GALNT7: variants seen among roughly 807,000 people sequenced by gnomAD.
GALNT7 encodes polypeptide N-acetylgalactosaminyltransferase 7.
Under a neutral mutation model 82.1 loss-of-function variants are expected in GALNT7, and 60 were observed. The observed-to-expected ratio is 0.73, with a 90% CI of 0.59 to 0.91. The LOEUF is 0.91. Ranked by LOEUF, GALNT7 falls within the 40% of genes least tolerant of loss-of-function variation. The probability of loss-of-function intolerance (pLI) is 0.00; values close to 1 mark genes in which losing one functional copy is unlikely to be tolerated. For synonymous variants in GALNT7, 243 were observed against 275.1 expected (o/e 0.88, Z 1.15); for missense variants, 660 against 804.2 (o/e 0.82, Z 2.17).
At chr4:173,275,640 A>G (rs1019722746) in intron 2 of GALNT7, among the ~76,000 whole-genome samples, 1 of 152,152 alleles carries the variant, frequency 6.6e-6, no homozygotes, top group African/African-American at 2.4e-5. Context: ...GTAAGGTGGA[A>G]AGTTTCTGGT....
intron 1 of GALNT7, among the ~76,000 whole-genome samples, chr4:173,228,832 A>G (rs1733927269): frequency 6.6e-6 from 1 of 152,166 alleles, no homozygotes; most frequent in Non-Finnish European, 1.5e-5. Context: ...ACTGCCTTTT[A>G]ACTTCCAGGA....
At chr4:173,205,700 C>T (rs908897807) in intron 1 of GALNT7, among the ~76,000 whole-genome samples, 4 of 149,746 alleles carry the variant, frequency 2.7e-5, no homozygotes, top group African/African-American at 9.7e-5. Flanking sequence ...GGGCTGTGGT[C>T]TGAAGTCTGG....
intron 1 of GALNT7, among the ~76,000 whole-genome samples, chr4:173,230,214 A>G (rs1733985576): frequency 6.6e-6 from 1 of 152,196 alleles, no homozygotes; most frequent in Non-Finnish European, 1.5e-5. Flanking sequence ...AGCAAATTTC[A>G]GTTGCACCAC....
intron 1 of GALNT7, among the ~76,000 whole-genome samples, chr4:173,211,790 T>G (rs1376942443): frequency 6.6e-6 from 1 of 152,216 alleles, no homozygotes; most frequent in Non-Finnish European, 1.5e-5. Context: ...CCTCATAGAT[T>G]ATACTTTTCT....
At chr4:173,225,282 T>C (rs1199032004) in intron 1 of GALNT7, among the ~76,000 whole-genome samples, 1 of 152,128 alleles carries the variant, frequency 6.6e-6, no homozygotes, top group Non-Finnish European at 1.5e-5. Flanking sequence ...TTTGTTATAA[T>C]GTAATTACAG....
chr4:173,178,024 TG>T (rs1214564306), intron 1 of GALNT7, among the ~76,000 whole-genome samples: 1 of 114,190 alleles, frequency 8.8e-6, no homozygotes, highest in Non-Finnish European at 1.8e-5. Flanking sequence ...TGTGTGTGTG[TG>T]TGTGTGTGTG....
At chr4:173,318,785 C>A in intron 11 of GALNT7, 1 of 359,118 alleles carries the variant, frequency 2.8e-6, no homozygotes, top group African/African-American at 2.2e-5. Flanking sequence ...AATGAGGCCA[C>A]GATGATGTCT....
intron 1 of GALNT7, among the ~76,000 whole-genome samples, chr4:173,184,759 T>A (rs1409574094): frequency 1.3e-5 from 2 of 152,060 alleles, no homozygotes; most frequent in Admixed American, 1.3e-4. Context: ...AAAAACTGAT[T>A]TAGGAGAGGG....
At chr4:173,317,608 T>C (rs758051829) in intron 9 of GALNT7, 26 bp from the exon 10 acceptor site, 12 of 1,392,554 alleles carry the variant, frequency 8.6e-6, no homozygotes, top group Middle Eastern at 1.8e-4. Flanking sequence ...GTTGCCTGCT[T>C]TTTGCGTCTT....
chr4:173,220,074 G>T (rs1211679661), intron 1 of GALNT7, among the ~76,000 whole-genome samples: 1 of 152,094 alleles, frequency 6.6e-6, no homozygotes, highest in Admixed American at 6.5e-5. Context: ...GCCTAACAAA[G>T]CTATTGTCTA....
intron 1 of GALNT7, among the ~76,000 whole-genome samples, chr4:173,243,218 C>A (rs1404722815): frequency 6.6e-6 from 1 of 152,138 alleles, no homozygotes; most frequent in Non-Finnish European, 1.5e-5. Context: ...CAAGGCATGG[C>A]CATCTTGGAA....
At chr4:173,222,333 C>T (rs935378415) in intron 1 of GALNT7, among the ~76,000 whole-genome samples, 1 of 152,080 alleles carries the variant, frequency 6.6e-6, no homozygotes, top group African/African-American at 2.4e-5. Context: ...AGTGCAATGA[C>T]GTGATGTCGG....
chr4:173,215,559 C>G (rs1021934954), intron 1 of GALNT7, among the ~76,000 whole-genome samples: 3 of 152,062 alleles, frequency 2.0e-5, no homozygotes, highest in Non-Finnish European at 2.9e-5. Context: ...CACCCAAGTC[C>G]TGGGGAACCC....
chr4:173,268,651 C>G lies in GALNT7; in HGVS notation c.587+20211C>G, dbSNP rs1231966404. On this transcript the variant is annotated intron_variant, in intron 2 of 11. Coordinates refer to ENST00000265000, the MANE Select transcript of GALNT7 (RefSeq NM_017423.3). The stretch of plus-strand genomic sequence containing the variant: ...GTTCACGCCATTCTCCTGCCTCAGC[C>G]TCCCGAGTAGCTGGGACTACAGGCG... Among the ~76,000 whole-genome samples the G allele has an allele frequency of 3.3e-5, 5 of 149,980 alleles. 1 individual carries two copies. Among genetic ancestry groups the G allele is most frequent in the African/African-American group, 1.2e-4 (5 of 40,906 alleles).
chr4:173,239,116 A>G (rs957137409), intron 1 of GALNT7, among the ~76,000 whole-genome samples: 1 of 152,244 alleles, frequency 6.6e-6, no homozygotes, highest in African/African-American at 2.4e-5. Context: ...TCATGTTTAA[A>G]TAAAGTACTC....
chr4:173,318,797 TAA>T (rs1737700046), intron 11 of GALNT7: 1 of 315,188 alleles, frequency 3.2e-6, no homozygotes, highest in African/African-American at 2.2e-5. Flanking sequence ...ATGATGTCTA[TAA>T]AGAGCACTGC....
intron 5 of GALNT7, 64 bp from the exon 6 acceptor site, chr4:173,298,051 G>A (rs921968645): frequency 1.6e-5 from 25 of 1,563,188 alleles, no homozygotes; most frequent in Middle Eastern, 1.7e-4. Flanking sequence ...CCATGAACTC[G>A]TATAAATGTG....
chr4:173,292,577 C>T lies in GALNT7; in HGVS notation c.754+303C>T, dbSNP rs184574548. On this transcript the variant is annotated intron_variant, in intron 3 of 11. Transcript: ENST00000265000. The surrounding 1 kb of genome is among the most constrained non-coding windows in gnomAD (Gnocchi z 4.8). ...ATACCACTGATTATAATGTTAGAAG[C>T]GAAGATAAACATAGGTAGCATGAAA... Among the ~76,000 whole-genome samples, 83 of 152,122 alleles carry T rather than the reference C, an allele frequency of 5.5e-4. 1 individual carries two copies. Among genetic ancestry groups the T allele is most frequent in the African/African-American group, 1.5e-3 (64 of 41,520 alleles).
Position 173,323,461 on chromosome 4 carries a change from A to AT in GALNT7, c.*1745dup, listed in dbSNP as rs573975837. On this transcript the variant is annotated 3_prime_UTR_variant, in exon 12 of 12. Transcript: ENST00000265000. ...TTTATAATTGCAAAATAAACCAACTATAAAAAAAGAAACTAAGAGAGAATT... is the reference window on the plus strand; with the variant it reads ...TTTATAATTGCAAAATAAACCAACTATTAAAAAAAGAAACTAAGAGAGAATT... 5.4e-4 allele frequency: 83 copies of AT among 152,730 alleles called. 1 individual carries two copies. Among genetic ancestry groups the AT allele is most frequent in the African/African-American group, 1.6e-3 (65 of 41,580 alleles). The allele number at this position is 152,730 out of a possible 1,614,324, so 9.5% of individuals were successfully genotyped here. A position where few individuals can be genotyped will look rare whatever the true frequency, so the allele number is the denominator to read the frequency against.
Sources: allele counts gnomAD v4.1 joint callset (sites outside exome capture counted in the v4.1 genomes callset), GRCh38; gene constraint gnomAD v4.1.1; non-coding constraint Gnocchi (gnomAD v3.1); transcripts MANE v1.5; gene names NCBI Gene and HGNC (gene_info 2026-07-23, HGNC 2026-07-21).